Variants in KHDRBS2 observed in about 807,000 individuals in gnomAD.
KHDRBS2 encodes the protein KH domain-containing, RNA-binding, signal transduction-associated protein 2.
KHDRBS2 carries 26 observed loss-of-function variants against 44.3 expected under a neutral mutation model. The ratio of observed to expected loss-of-function variants is 0.59; its 90% CI spans 0.43 to 0.81. KHDRBS2 has a LOEUF of 0.81. KHDRBS2 is among the 40% of genes least tolerant of loss of function. The pLI, the probability that KHDRBS2 is intolerant of heterozygous loss-of-function variation, is 0.00. For synonymous variants in KHDRBS2, 194 were observed against 151.1 expected, an observed-to-expected ratio of 1.28 and a Z score of -2.08; for missense variants, 476 against 433.1, an observed-to-expected ratio of 1.10 and a Z score of -0.88.
rs566868234 is a variant in KHDRBS2, at chr6:61,838,221, C to T, written c.810+56414G>A. The stretch of plus-strand genomic sequence containing the variant: ...GAAGTTAAAATTTGGGAATGCAAGT[C>T]CATTTTATTTAAAAAGCTTGTGTTG... On this transcript the variant is annotated intron_variant, in intron 6 of 8. Transcript: ENST00000281156. Among the ~76,000 whole-genome samples the T allele has an allele frequency of 3.3e-5, 5 of 151,998 alleles. No individual in the cohort carries two copies. The East Asian group carries it at 9.7e-4, about 29-fold the overall frequency.
chr6:61,820,810 A>G (rs537322034), intron 6 of KHDRBS2, among the ~76,000 whole-genome samples: 47 of 152,144 alleles, frequency 3.1e-4, no homozygotes, highest in Admixed American at 1.4e-3. Context: ...CAAACTATTT[A>G]TTAGGTCTGT....
chr6:62,233,529 T>G lies in KHDRBS2; in HGVS notation c.91+52329A>C, dbSNP rs1465922763. 2.6e-5 allele frequency among the ~76,000 whole-genome samples: 4 copies of G among 152,276 alleles called. No homozygotes were observed. In the East Asian group the frequency reaches 7.7e-4, roughly 29 times the overall value. On this transcript the variant is annotated intron_variant, in intron 1 of 8. Transcript: ENST00000281156. ...TTGAGTTCAGGATACATGTGCAGGT[T>G]GGCTATATTGATAAACTTGTGTCAT... is the stretch of plus-strand genomic sequence containing the variant.
Position 61,848,576 on chromosome 6 carries a change from C to CACAT in KHDRBS2, c.810+46058_810+46059insATGT, listed in dbSNP as rs1554236996. On this transcript the variant is annotated intron_variant, in intron 6 of 8. Coordinates refer to ENST00000281156, the MANE Select transcript of KHDRBS2 (RefSeq NM_152688.4). ...ACATATATATATGTATATATATATA[C>CACAT]ATATATATATATATATACTTTTTTT... 5.3e-4 allele frequency among the ~76,000 whole-genome samples: 16 copies of CACAT among 30,012 alleles called. 2 individuals carry two copies. The highest frequency in any genetic ancestry group is 2.3e-3 in the African/African-American group (16 of 7,100). The allele number at this position is 30,012 out of a possible 152,430, so 19.7% of individuals were successfully genotyped here.
chr6:62,091,727 C>T lies in KHDRBS2; in HGVS notation c.220-43733G>A, dbSNP rs571840952. On this transcript the variant is annotated intron_variant, in intron 2 of 8. Coordinates refer to ENST00000281156, the MANE Select transcript of KHDRBS2 (RefSeq NM_152688.4). ...AGGAGAGTACAGGAGAAAAAAGTTA[C>T]ACATGCTGGAGCCAGATGACCTGGT... Among the ~76,000 whole-genome samples the T allele has an allele frequency of 7.2e-5, 11 of 152,200 alleles. No individual in the cohort carries two copies. In the East Asian group the frequency reaches 1.7e-3, roughly 24 times the overall value.
At chr6:61,973,656 T>C (rs1562560815) in intron 4 of KHDRBS2, among the ~76,000 whole-genome samples, 1 of 152,152 alleles carries the variant, frequency 6.6e-6, no homozygotes, top group Admixed American at 6.6e-5. Context: ...ATCTTATATA[T>C]GAGTCTAGTA....
chr6:61,549,226 C>A, the KHDRBS2 span, among the ~76,000 whole-genome samples: 1 of 151,902 alleles, frequency 6.6e-6, no homozygotes. Context: ...ACAAAAATAA[C>A]AAATGGATCA....
At chr6:62,097,008 C>T (rs1215149764) in intron 2 of KHDRBS2, among the ~76,000 whole-genome samples, 3 of 151,626 alleles carry the variant, frequency 2.0e-5, no homozygotes, top group African/African-American at 7.3e-5. Flanking sequence ...TGGTCAGAAG[C>T]ATGTTTTTAA....
chr6:62,277,933 A>G (rs1268535669), intron 1 of KHDRBS2, among the ~76,000 whole-genome samples: 9 of 152,194 alleles, frequency 5.9e-5, no homozygotes, highest in Non-Finnish European at 1.2e-4. Context: ...TTGGCAAATA[A>G]AAGATGCAAT....
At chr6:61,974,345 G>A (rs1772050224) in intron 4 of KHDRBS2, among the ~76,000 whole-genome samples, 1 of 151,962 alleles carries the variant, frequency 6.6e-6, no homozygotes, top group African/African-American at 2.4e-5. Flanking sequence ...AACTATGAAA[G>A]AAAGAAATAG....
intron 2 of KHDRBS2, among the ~76,000 whole-genome samples, chr6:62,168,267 A>G (rs1267276873): frequency 1.3e-5 from 2 of 152,198 alleles, no homozygotes; most frequent in African/African-American, 4.8e-5. Flanking sequence ...AAAAGTTGGC[A>G]GTAACTCAAG....
At chr6:61,731,551 A>G (rs1179346151) in intron 7 of KHDRBS2, among the ~76,000 whole-genome samples, 1 of 152,064 alleles carries the variant, frequency 6.6e-6, no homozygotes, top group African/African-American at 2.4e-5. Context: ...AACTTCCACA[A>G]TACATGTAGA....
At chr6:61,595,218 G>A in the KHDRBS2 span, among the ~76,000 whole-genome samples, 1 of 152,040 alleles carries the variant, frequency 6.6e-6, no homozygotes, top group Non-Finnish European at 1.5e-5. Flanking sequence ...CCCATTGCTA[G>A]GTATCTATAA....
chr6:61,933,406 T>C (rs1216127132), intron 4 of KHDRBS2, among the ~76,000 whole-genome samples: 1 of 152,162 alleles, frequency 6.6e-6, no homozygotes, highest in Non-Finnish European at 1.5e-5. Context: ...CAATTGTGAC[T>C]AGTGCTGCAA....
the KHDRBS2 span, among the ~76,000 whole-genome samples, chr6:61,608,900 T>C: frequency 6.6e-6 from 1 of 152,330 alleles, no homozygotes; most frequent in East Asian, 1.9e-4. Context: ...AGTAAACATA[T>C]GTGTGTATGT....
chr6:62,071,600 C>A (rs1795107494), intron 2 of KHDRBS2, among the ~76,000 whole-genome samples: 1 of 152,150 alleles, frequency 6.6e-6, no homozygotes, highest in South Asian at 2.1e-4. Context: ...AATAGGGAAT[C>A]CTTTCCCCAT....
the KHDRBS2 span, among the ~76,000 whole-genome samples, chr6:61,669,283 T>G: frequency 3.3e-5 from 5 of 150,952 alleles, no homozygotes; most frequent in Admixed American, 6.6e-5. Flanking sequence ...CTTCAGATTA[T>G]TATTATTACG....
At chr6:61,596,466 TA>T in the KHDRBS2 span, among the ~76,000 whole-genome samples, 1 of 152,168 alleles carries the variant, frequency 6.6e-6, no homozygotes, top group Non-Finnish European at 1.5e-5. Flanking sequence ...CATAGACATG[TA>T]GTCCTATAGC....
intron 6 of KHDRBS2, among the ~76,000 whole-genome samples, chr6:61,863,639 C>A (rs1458505509): frequency 6.6e-6 from 1 of 152,246 alleles, no homozygotes; most frequent in East Asian, 1.9e-4. Flanking sequence ...GTACTGTGAT[C>A]CAAGAGACTG....
chr6:61,601,947 T>C, the KHDRBS2 span, among the ~76,000 whole-genome samples: 1 of 152,148 alleles, frequency 6.6e-6, no homozygotes, highest in Non-Finnish European at 1.5e-5. Context: ...CTCCTTTTTC[T>C]TTATCCGACC....
Sources: allele counts gnomAD v4.1 joint callset (sites outside exome capture counted in the v4.1 genomes callset), GRCh38; gene constraint gnomAD v4.1.1; transcripts MANE v1.5; gene names NCBI Gene and HGNC (gene_info 2026-07-23, HGNC 2026-07-21).